The following TLK1 variants were observed in gnomAD, a reference collection of about 807,000 sequenced individuals.
TLK1 encodes the protein tousled like kinase 1, also known as serine/threonine-protein kinase tousled-like 1.
TLK1 carries 24 observed loss-of-function variants against 105.3 expected under a neutral mutation model. That is an observed-to-expected ratio of 0.23 (90% CI 0.17 to 0.32). The LOEUF (loss-of-function observed/expected upper bound fraction) is 0.32, where lower values mean the gene tolerates loss of function less well. TLK1 is among the 10% of genes least tolerant of loss of function. The pLI is 1.00. For synonymous variants in TLK1, 321 were observed against 310.4 expected, an observed-to-expected ratio of 1.03 and a Z score of -0.36; for missense variants, 558 against 910.5, an observed-to-expected ratio of 0.61 and a Z score of 4.98.
intron 14 of TLK1, among the ~76,000 whole-genome samples, chr2:171,008,760 G>T (rs141800215): frequency 2.0e-3 from 299 of 152,286 alleles, no homozygotes; most frequent in African/African-American, 6.8e-3. Context: ...TAGTATTTAG[G>T]TCAGTATAGA....
intron 2 of TLK1, among the ~76,000 whole-genome samples, chr2:171,107,512 A>G (rs1689980697): frequency 6.6e-6 from 1 of 152,202 alleles, no homozygotes; most frequent in South Asian, 2.1e-4. Context: ...ATTATGTATT[A>G]TAACAACAAG....
At position 171,034,800 on chromosome 2, in the gene TLK1, T is replaced by C. The variant is rs115810948; in HGVS notation, c.1170-6395A>G. Among the ~76,000 whole-genome samples the C allele has an allele frequency of 2.6e-3, 394 of 152,246 alleles. 3 individuals carry two copies. The highest frequency in any genetic ancestry group is 8.9e-3 in the African/African-American group (371 of 41,542). On this transcript the variant is annotated intron_variant, in intron 11 of 20. Transcript: ENST00000431350. ...AAAAAATAGGTGATTGTGGGAGGGATGAAACTAGTCTTCCTTTGAAGAGTC... is the reference window on the plus strand; with the variant it reads ...AAAAAATAGGTGATTGTGGGAGGGACGAAACTAGTCTTCCTTTGAAGAGTC...
chr2:171,141,710 T>C (rs997331839), intron 1 of TLK1, among the ~76,000 whole-genome samples: 2 of 152,090 alleles, frequency 1.3e-5, no homozygotes, highest in South Asian at 2.1e-4. Flanking sequence ...CCAAGATTTC[T>C]GTATCCAGCT....
chr2:171,137,486 T>C (rs1362414757), intron 1 of TLK1, among the ~76,000 whole-genome samples: 1 of 152,190 alleles, frequency 6.6e-6, no homozygotes, highest in African/African-American at 2.4e-5. Context: ...GCCATCTACA[T>C]ATACACCCAG....
chr2:171,028,452 G>T, intron 11 of TLK1, 47 bp from the exon 12 acceptor site: 1 of 1,261,480 alleles, frequency 7.9e-7, no homozygotes, highest in Non-Finnish European at 1.1e-6. Context: ...TTAATACTTA[G>T]TTTATTAACA....
At position 170,993,883 on chromosome 2, in the gene TLK1, T is replaced by C; in HGVS notation, c.2198A>G (p.Tyr733Cys). Reference protein sequence around the residue: ...FDVHQLANDPYLLPHMRRSNS... With the variant: ...FDVHQLANDPCLLPHMRRSNS... ...TGATCTTCTCATGTGTGGGAGAAGG[T>C]ATGGGTCATTTGCCAGCTGGTGCAC... The change falls in exon 21 of 21, where the codon TAC (tyrosine) becomes TGC (cysteine). Residue 733 changes from tyrosine to cysteine, a missense_variant. Around this residue, in one of 5 missense-constraint regions of TLK1, gnomAD observed 218 missense variants for 492.9 expected, o/e 0.44. Coordinates refer to ENST00000431350, the MANE Select transcript of TLK1 (RefSeq NM_012290.5). 1 of 1,612,834 alleles carries C rather than the reference T, an allele frequency of 6.2e-7. No individual in the cohort carries two copies. The highest frequency in any genetic ancestry group is 8.5e-7 in the Non-Finnish European group (1 of 1,179,482).
chr2:171,150,690 G>T (rs1451452605), intron 1 of TLK1, among the ~76,000 whole-genome samples: 1 of 152,206 alleles, frequency 6.6e-6, no homozygotes, highest in Non-Finnish European at 1.5e-5. Flanking sequence ...AGAAGCAAGA[G>T]GCTAGAAAAA....
intron 2 of TLK1, among the ~76,000 whole-genome samples, chr2:171,094,063 A>C: frequency 6.6e-6 from 1 of 152,236 alleles, no homozygotes. Flanking sequence ...AGCCCTAGTC[A>C]AACACAGAAT....
intron 6 of TLK1, among the ~76,000 whole-genome samples, chr2:171,056,088 A>C (rs1687488174): frequency 1.3e-5 from 2 of 152,078 alleles, no homozygotes; most frequent in African/African-American, 4.8e-5. Flanking sequence ...ATTCCCAGAA[A>C]GGAATTATGC....
chr2:171,110,232 A>C (rs942771437), intron 2 of TLK1, among the ~76,000 whole-genome samples: 1 of 152,172 alleles, frequency 6.6e-6, no homozygotes, highest in African/African-American at 2.4e-5. Context: ...CACTTTGGGA[A>C]GCCAAGGCAG....
At chr2:171,088,793 C>T (rs879564001) in intron 2 of TLK1, among the ~76,000 whole-genome samples, 2 of 152,184 alleles carry the variant, frequency 1.3e-5, no homozygotes, top group African/African-American at 4.8e-5. Context: ...TATGCAAGGT[C>T]TCAAAAATTT....
At chr2:171,106,414 T>C (rs562722627) in intron 2 of TLK1, among the ~76,000 whole-genome samples, 6 of 152,362 alleles carry the variant, frequency 3.9e-5, no homozygotes, top group South Asian at 2.1e-4. Context: ...CTGATCATTA[T>C]GCATTGTCTC....
rs1436164872 is a variant in TLK1 at position 170,993,697 on chromosome 2, G to GAA, written c.*81_*82dup. On this transcript the variant is annotated 3_prime_UTR_variant, in exon 21 of 21. Coordinates refer to ENST00000431350, the MANE Select transcript of TLK1 (RefSeq NM_012290.5). ...AAAAAAAAAAAAAAAAAAAGAAAAA[G>GAA]AAAACAAACACTCAAATGCTCTCAA... 6.1e-6 allele frequency: 4 copies of GAA among 654,792 alleles called. No homozygotes were observed. Among genetic ancestry groups the GAA allele is most frequent in the African/African-American group, 4.4e-5 (2 of 45,206 alleles). 40.6% of individuals were successfully genotyped at this position (654,792 alleles called of 1,614,324 possible).
chr2:171,211,277 C>T (rs1693607742), intron 1 of TLK1, among the ~76,000 whole-genome samples: 1 of 152,154 alleles, frequency 6.6e-6, no homozygotes, highest in South Asian at 2.1e-4. Flanking sequence ...TTACTGGCTC[C>T]CTTTCTATAA....
intron 3 of TLK1, among the ~76,000 whole-genome samples, chr2:171,074,304 T>A (rs1688399523): frequency 6.6e-6 from 1 of 152,226 alleles, no homozygotes; most frequent in African/African-American, 2.4e-5. Flanking sequence ...AGCAACATTG[T>A]TGCATATCAT....
upstream of TLK1, chr2:171,160,894 A>C (rs940926040): frequency 3.6e-6 from 1 of 280,242 alleles, no homozygotes; most frequent in Non-Finnish European, 6.5e-6. This position sits in a 1 kb window ranked among gnomAD's most constrained non-coding sequence, Gnocchi z 4.4. Flanking sequence ...TAACCTCTGC[A>C]TCAGTTACAG....
At chr2:171,071,412 C>G (rs1688249143) in intron 3 of TLK1, among the ~76,000 whole-genome samples, 1 of 151,972 alleles carries the variant, frequency 6.6e-6, no homozygotes, top group Non-Finnish European at 1.5e-5. Context: ...CTCAGCCTCC[C>G]GAGTAGCTGG....
intron 20 of TLK1, 49 bp downstream of exon 20, chr2:170,996,604 T>C (rs781099603): frequency 6.7e-7 from 1 of 1,490,932 alleles, no homozygotes; most frequent in Non-Finnish European, 9.3e-7. Flanking sequence ...TCAGCACAAC[T>C]GATGAAAGAA....
intron 13 of TLK1, among the ~76,000 whole-genome samples, chr2:171,014,335 C>T (rs191248257): frequency 2.3e-4 from 34 of 149,346 alleles, no homozygotes; most frequent in Non-Finnish European, 3.4e-4. Flanking sequence ...AGCAAGGTAA[C>T]GATATTAAAA....
Sources: gnomAD v4.1 joint callset for allele counts (sites outside exome capture counted in the v4.1 genomes callset) on GRCh38, gnomAD v4.1.1 for gene constraint, gnomAD v4.1.1 regional missense constraint, Gnocchi (gnomAD v3.1) non-coding constraint, MANE v1.5 for transcripts, NCBI Gene and HGNC (gene_info 2026-07-23, HGNC 2026-07-21) for gene names.